Variants in DLEU7 observed in about 807,000 individuals in gnomAD.
DLEU7 encodes the protein deleted in lymphocytic leukemia 7.
DLEU7 carries 17 observed loss-of-function variants against 16.0 expected under a neutral mutation model. The observed-to-expected ratio is 1.06, with a 90% CI of 0.73 to 1.59. The LOEUF is 1.59. Among genes scored for constraint, DLEU7 ranks in the 40% most tolerant of loss-of-function variants. DLEU7 has a pLI of 0.00. For missense variants in DLEU7, 308 were observed against 314.9 expected (o/e 0.98, Z 0.17); for synonymous variants, 113 against 139.8 (o/e 0.81, Z 1.35).
At chr13:50,713,079 G>A (rs768395337) in exon 2 of DLEU7, 18 of 939,898 alleles carry the variant, frequency 1.9e-5, no homozygotes, top group East Asian at 2.7e-5. Flanking sequence ...AGACCAATAC[G>A]AAGGCAATGG....
At chr13:50,836,004 C>T (rs974692475) in intron 1 of DLEU7, among the ~76,000 whole-genome samples, 1 of 152,200 alleles carries the variant, frequency 6.6e-6, no homozygotes, top group Non-Finnish European at 1.5e-5. Flanking sequence ...ACTTAATAGA[C>T]TCTAAAATGC....
At chr13:50,796,328 A>T (rs1270917056) in intron 1 of DLEU7, among the ~76,000 whole-genome samples, 1 of 152,134 alleles carries the variant, frequency 6.6e-6, no homozygotes. Context: ...TTATTTGAAC[A>T]CAAGCACTGT....
Position 50,746,560 on chromosome 13 carries a change from A to T in DLEU7, c.460-33320T>A, listed in dbSNP as rs574186623. ...TTGAACATTTGGGCATTTTTGACTA[A>T]TACCTTCCCCTCTGAGTATGAATCA... is the stretch of plus-strand genomic sequence containing the variant. On this transcript the variant is annotated intron_variant, in intron 1 of 1. Coordinates refer to the DLEU7 transcript ENST00000400393. Among the ~76,000 whole-genome samples the T allele has an allele frequency of 3.0e-4, 45 of 152,328 alleles. No individual in the cohort carries two copies. In the East Asian group the frequency reaches 6.9e-3, roughly 23 times the overall value.
chr13:50,838,693 G>A (rs1481575031), intron 1 of DLEU7, among the ~76,000 whole-genome samples: 2 of 152,140 alleles, frequency 1.3e-5, no homozygotes, highest in East Asian at 3.9e-4. Flanking sequence ...TAAATTGTGT[G>A]GTCCCCTCAT....
chr13:50,790,538 T>C (rs1318175951), intron 1 of DLEU7, among the ~76,000 whole-genome samples: 1 of 152,130 alleles, frequency 6.6e-6, no homozygotes, highest in Non-Finnish European at 1.5e-5. Flanking sequence ...ACCATCATTC[T>C]TGTTCAGAGA....
At chr13:50,718,845 C>A (rs1873511873) in intron 1 of DLEU7, among the ~76,000 whole-genome samples, 1 of 152,188 alleles carries the variant, frequency 6.6e-6, no homozygotes, top group East Asian at 1.9e-4. Flanking sequence ...AACTCAAGGA[C>A]TTTCCCTAAT....
At chr13:50,744,681 T>C (rs1054580881) in intron 1 of DLEU7, among the ~76,000 whole-genome samples, 1 of 152,176 alleles carries the variant, frequency 6.6e-6, no homozygotes, top group Non-Finnish European at 1.5e-5. Flanking sequence ...TAATAATGAA[T>C]TAATATGCAA....
At chr13:50,764,719 G>A (rs1356377919) in intron 1 of DLEU7, among the ~76,000 whole-genome samples, 1 of 152,154 alleles carries the variant, frequency 6.6e-6, no homozygotes, top group Non-Finnish European at 1.5e-5. Flanking sequence ...CTTGTTCAGG[G>A]AACTTGAGTC....
intron 1 of DLEU7, among the ~76,000 whole-genome samples, chr13:50,717,435 T>A (rs909709408): frequency 2.8e-4 from 43 of 152,188 alleles, no homozygotes; most frequent in Non-Finnish European, 1.0e-4. Context: ...GCAACTACAC[T>A]CATTGTATCA....
chr13:50,758,025 A>ATTTTTTTTTTTTTTTTTTTTTTT (rs5803530), intron 1 of DLEU7, among the ~76,000 whole-genome samples: 2 of 89,112 alleles, frequency 2.2e-5, no homozygotes, highest in Non-Finnish European at 4.1e-5. Flanking sequence ...CATTACCAAG[A>ATTTTTTTTTTTTTTTTTTTTTTT]TTTTTTTTTT....
At position 50,726,943 on chromosome 13, in the gene DLEU7, C is replaced by T. The variant is rs1158301500; in HGVS notation, c.460-13703G>A. On this transcript the variant is annotated intron_variant, in intron 1 of 1. Coordinates refer to the DLEU7 transcript ENST00000400393. This position sits in a 1 kb window ranked among gnomAD's most constrained non-coding sequence, Gnocchi z 4.0. Reference sequence around the variant, plus strand: ...AAGAGGCAAGAGGAAAGTGGGGGCACGGGGAAGGTGAAATTATTTATATCC... The same window carrying T: ...AAGAGGCAAGAGGAAAGTGGGGGCATGGGGAAGGTGAAATTATTTATATCC... Among the ~76,000 whole-genome samples the T allele has an allele frequency of 4.6e-5, 7 of 152,116 alleles. No homozygotes were observed. The highest frequency in any genetic ancestry group is 2.1e-4 in the South Asian group (1 of 4,814).
At chr13:50,837,782 T>C (rs1392005805) in intron 1 of DLEU7, among the ~76,000 whole-genome samples, 2 of 152,206 alleles carry the variant, frequency 1.3e-5, no homozygotes, top group Admixed American at 6.5e-5. Flanking sequence ...GTTAAAAGGC[T>C]GATGCCTCAT....
chr13:50,745,796 G>A (rs1054563074), intron 1 of DLEU7, among the ~76,000 whole-genome samples: 1 of 152,092 alleles, frequency 6.6e-6, no homozygotes, highest in Non-Finnish European at 1.5e-5. Flanking sequence ...CTGAATGGCA[G>A]TGAATTTCCT....
chr13:50,793,972 T>G (rs1168999491), intron 1 of DLEU7, among the ~76,000 whole-genome samples: 1 of 152,238 alleles, frequency 6.6e-6, no homozygotes, highest in Non-Finnish European at 1.5e-5. Flanking sequence ...TCTAGGATTT[T>G]TAGAGGTTGA....
chr13:50,719,484 C>T (rs1873532987), intron 1 of DLEU7, among the ~76,000 whole-genome samples: 1 of 152,172 alleles, frequency 6.6e-6, no homozygotes, highest in Admixed American at 6.5e-5. Flanking sequence ...AAACTCCGTA[C>T]CTCAAAGGTA....
intron 1 of DLEU7, among the ~76,000 whole-genome samples, chr13:50,785,807 T>TG (rs1875781434): frequency 2.6e-5 from 4 of 152,200 alleles, no homozygotes; most frequent in Admixed American, 2.6e-4. Context: ...TCACCAACAC[T>TG]TGCCAAATGT....
At chr13:50,747,167 C>G (rs1383003365) in intron 1 of DLEU7, among the ~76,000 whole-genome samples, 3 of 152,018 alleles carry the variant, frequency 2.0e-5, no homozygotes, top group African/African-American at 7.2e-5. Context: ...TAAATCAATG[C>G]TTTCTGAGGT....
chr13:50,752,979 G>T (rs1194688729), intron 1 of DLEU7, among the ~76,000 whole-genome samples: 1 of 152,122 alleles, frequency 6.6e-6, no homozygotes, highest in Non-Finnish European at 1.5e-5. Context: ...TACAATCCCT[G>T]AGCTAGACAC....
At chr13:50,771,514 G>A (rs912931083) in intron 1 of DLEU7, among the ~76,000 whole-genome samples, 7 of 152,210 alleles carry the variant, frequency 4.6e-5, no homozygotes, top group South Asian at 2.1e-4. Flanking sequence ...CCTGCATTTC[G>A]TTATGTACCC....
Sources: allele counts gnomAD v4.1 joint callset (sites outside exome capture counted in the v4.1 genomes callset), GRCh38; gene constraint gnomAD v4.1.1; non-coding constraint Gnocchi (gnomAD v3.1); transcripts MANE v1.5; gene names NCBI Gene and HGNC (gene_info 2026-07-23, HGNC 2026-07-21).